INO80D: variants seen among roughly 807,000 people sequenced by gnomAD.
INO80D encodes the protein INO80 complex subunit D.
Under a neutral mutation model 87.6 loss-of-function variants are expected in INO80D, and 21 were observed. That is an observed-to-expected ratio of 0.24 (90% confidence interval 0.17 to 0.35). INO80D has a LOEUF of 0.35. INO80D is among the 10% of genes least tolerant of loss of function. The pLI is 1.00. For missense variants in INO80D, 982 were observed against 1,280.7 expected, an observed-to-expected ratio of 0.77 and a Z score of 3.56; for synonymous variants, 440 against 491.0, an observed-to-expected ratio of 0.90 and a Z score of 1.37.
At chr2:206,038,598 G>A (rs1393048300) in intron 5 of INO80D, among the ~76,000 whole-genome samples, 3 of 152,178 alleles carry the variant, frequency 2.0e-5, no homozygotes, top group Non-Finnish European at 2.9e-5. Flanking sequence ...TTGGGAGACC[G>A]AGGTGGGAGG....
At chr2:206,078,061 C>CAATAAAAAAA (rs1690169443) in intron 1 of INO80D, among the ~76,000 whole-genome samples, 1 of 63,062 alleles carries the variant, frequency 1.6e-5, no homozygotes, top group African/African-American at 6.4e-5. Context: ...GCAATGTTTA[C>CAATAAAAAAA]AAAAAAAAAA....
At chr2:206,074,678 G>A (rs887797932) in intron 1 of INO80D, among the ~76,000 whole-genome samples, 8 of 152,218 alleles carry the variant, frequency 5.3e-5, no homozygotes, top group African/African-American at 1.2e-4. Flanking sequence ...GGCGGCTCAC[G>A]CCTGTAATTG....
intron 1 of INO80D, among the ~76,000 whole-genome samples, chr2:206,071,849 C>T (rs1689980895): frequency 6.6e-6 from 1 of 152,032 alleles, no homozygotes; most frequent in Non-Finnish European, 1.5e-5. Flanking sequence ...TGAGGCTTGA[C>T]TCCATGCTGG....
intron 7 of INO80D, among the ~76,000 whole-genome samples, chr2:206,019,162 A>G (rs1688395132): frequency 6.6e-6 from 1 of 152,202 alleles, no homozygotes; most frequent in African/African-American, 2.4e-5. Flanking sequence ...ACCTGATTTT[A>G]AATACTCAAT....
intron 1 of INO80D, among the ~76,000 whole-genome samples, chr2:206,076,005 T>A (rs1164921423): frequency 6.9e-6 from 1 of 145,112 alleles, no homozygotes; most frequent in East Asian, 2.0e-4. Context: ...TAAGCCAAGA[T>A]AGCACCACTG....
chr2:206,085,883 G>C lies in INO80D; in HGVS notation c.-124+18C>G, dbSNP rs1307455497. ...GAGCCCGGGGATGTGGGCCGGGCCT[G>C]GGGCCGCCTCTGCTTACCTTTCAGC... On this transcript the variant is annotated intron_variant, in intron 1 of 10. Coordinates refer to ENST00000403263, the MANE Select transcript of INO80D (RefSeq NM_017759.5). This position sits in a 1 kb window ranked among gnomAD's most constrained non-coding sequence, Gnocchi z 4.5. 6.6e-6 allele frequency: 1 copy of C among 152,172 alleles called. No homozygotes were observed. 9.4% of individuals were successfully genotyped at this position (152,172 alleles called of 1,614,324 possible).
chr2:206,077,333 CTG>C (rs1461760381), intron 1 of INO80D, among the ~76,000 whole-genome samples: 4 of 149,650 alleles, frequency 2.7e-5, no homozygotes, highest in African/African-American at 1.0e-4. Context: ...CAGCGAGACT[CTG>C]TCTCAAAAAA....
intron 1 of INO80D, among the ~76,000 whole-genome samples, chr2:206,069,750 G>A (rs763167857): frequency 3.3e-5 from 5 of 152,228 alleles, no homozygotes; most frequent in Non-Finnish European, 7.4e-5. Context: ...TGTTATAAAC[G>A]AGAAAAATTT....
chr2:206,053,701 T>C (rs1342602002), intron 4 of INO80D, among the ~76,000 whole-genome samples: 2 of 152,198 alleles, frequency 1.3e-5, no homozygotes, highest in Non-Finnish European at 2.9e-5. Flanking sequence ...CCAATAGCCA[T>C]ATACTTAATC....
chr2:206,065,516 A>C (rs891339522), intron 1 of INO80D, among the ~76,000 whole-genome samples: 1 of 152,116 alleles, frequency 6.6e-6, no homozygotes, highest in African/African-American at 2.4e-5. Context: ...AGTACAGACA[A>C]TAAGGTAAAA....
At chr2:206,076,526 C>A (rs1016440044) in intron 1 of INO80D, among the ~76,000 whole-genome samples, 3 of 152,062 alleles carry the variant, frequency 2.0e-5, no homozygotes, top group African/African-American at 7.2e-5. Flanking sequence ...ACTGATGTGA[C>A]TGGAAGAGAA....
intron 4 of INO80D, among the ~76,000 whole-genome samples, chr2:206,052,392 A>T (rs1689397723): frequency 6.6e-6 from 1 of 151,924 alleles, no homozygotes; most frequent in Non-Finnish European, 1.5e-5. Flanking sequence ...ACGGGGTTTC[A>T]CCATGTTGGC....
intron 1 of INO80D, among the ~76,000 whole-genome samples, chr2:206,072,844 CTCTT>C (rs1690011300): frequency 7.4e-6 from 1 of 135,432 alleles, no homozygotes; most frequent in South Asian, 2.2e-4. Context: ...TAACTTTCTT[CTCTT>C]TTTTTTTTTT....
chr2:206,068,150 T>C (rs530846201), intron 1 of INO80D, among the ~76,000 whole-genome samples: 27 of 152,252 alleles, frequency 1.8e-4, no homozygotes, highest in African/African-American at 6.5e-4. Flanking sequence ...CCAGGCTGGA[T>C]TGCAGTGGCA....
At chr2:206,033,776 A>C (rs369356776) in intron 5 of INO80D, among the ~76,000 whole-genome samples, 16 of 152,264 alleles carry the variant, frequency 1.1e-4, no homozygotes, top group African/African-American at 3.8e-4. Flanking sequence ...AACAAACAAA[A>C]AAATACAAAA....
chr2:206,080,660 C>T (rs561754384), intron 1 of INO80D, among the ~76,000 whole-genome samples: 1 of 152,148 alleles, frequency 6.6e-6, no homozygotes, highest in Admixed American at 6.5e-5. Flanking sequence ...GTTATCCCAG[C>T]ACTTTGGGAG....
intron 4 of INO80D, among the ~76,000 whole-genome samples, chr2:206,051,398 C>CA (rs1434716039): frequency 1.1e-4 from 17 of 150,046 alleles, no homozygotes; most frequent in Non-Finnish European, 2.1e-4. Context: ...TACCCGGAAG[C>CA]AAAAAACAAA....
intron 4 of INO80D, among the ~76,000 whole-genome samples, chr2:206,051,166 AAAG>A (rs752761476): frequency 6.6e-6 from 1 of 152,214 alleles, no homozygotes; most frequent in Non-Finnish European, 1.5e-5. Context: ...AAGAAATCTT[AAAG>A]AAGAGAATAC....
chr2:206,045,118 G>A (rs1260589628), intron 5 of INO80D, among the ~76,000 whole-genome samples: 1 of 152,178 alleles, frequency 6.6e-6, no homozygotes, highest in Non-Finnish European at 1.5e-5. Flanking sequence ...TATAATTTAA[G>A]ACAGTGACCA....
Sources: gnomAD v4.1 joint callset for allele counts (sites outside exome capture counted in the v4.1 genomes callset) on GRCh38, gnomAD v4.1.1 for gene constraint, Gnocchi (gnomAD v3.1) non-coding constraint, MANE v1.5 for transcripts, NCBI Gene and HGNC (gene_info 2026-07-23, HGNC 2026-07-21) for gene names.